Variants in LRGUK observed in about 807,000 individuals in gnomAD.
LRGUK encodes the protein leucine-rich repeat and guanylate kinase domain-containing protein.
Under a neutral mutation model 76.0 loss-of-function variants are expected in LRGUK, and 65 were observed. The observed-to-expected ratio is 0.85, with a 90% confidence interval of 0.70 to 1.05. The LOEUF (loss-of-function observed/expected upper bound fraction) is 1.05. Among genes scored for constraint, LRGUK ranks in the 50% least tolerant of loss-of-function variants. The pLI is 0.00. For synonymous variants in LRGUK, 268 were observed against 265.6 expected (o/e 1.01, Z -0.09); for missense variants, 758 against 732.8 (o/e 1.03, Z -0.40).
intron 12 of LRGUK, among the ~76,000 whole-genome samples, chr7:134,195,500 T>G (rs1273198464): frequency 6.6e-6 from 1 of 152,216 alleles, no homozygotes; most frequent in African/African-American, 2.4e-5. Flanking sequence ...AATTTTGCAA[T>G]GGAGGTTTCA....
intron 18 of LRGUK, among the ~76,000 whole-genome samples, chr7:134,252,359 A>T (rs571129662): frequency 2.7e-5 from 4 of 146,328 alleles, no homozygotes; most frequent in African/African-American, 8.3e-5. Flanking sequence ...AAATTAAATT[A>T]AATTAAATTA....
intron 16 of LRGUK, among the ~76,000 whole-genome samples, chr7:134,246,578 C>A (rs1490485448): frequency 6.6e-6 from 1 of 152,212 alleles, no homozygotes; most frequent in African/African-American, 2.4e-5. Flanking sequence ...TCTGTCCTTT[C>A]CCTTGCATGC....
At chr7:134,165,253 C>G (rs558191210) in intron 7 of LRGUK, among the ~76,000 whole-genome samples, 41 of 152,098 alleles carry the variant, frequency 2.7e-4, no homozygotes, top group Admixed American at 2.5e-3. Context: ...TTATTATAAC[C>G]CTATTATTAT....
rs558450591 is a variant in LRGUK at position 134,136,307 on chromosome 7, A to AT, written c.298-715dup. On this transcript the variant is annotated intron_variant, in intron 1 of 15. Coordinates refer to ENST00000645682, the Ensembl canonical transcript of LRGUK. ...CTATAGACCAAGGGCCAACCTCCTT[A>AT]TGGAAATGATCATCACCTTTTTAAA... Among the ~76,000 whole-genome samples, 837 of 152,296 alleles carry AT rather than the reference A, an allele frequency of 5.5e-3. 8 individuals are homozygous for AT. The highest frequency in any genetic ancestry group is 0.028 in the South Asian group (136 of 4,816).
chr7:134,170,317 C>G (rs1175510905), intron 7 of LRGUK, among the ~76,000 whole-genome samples: 1 of 151,898 alleles, frequency 6.6e-6, no homozygotes, highest in African/African-American at 2.4e-5. Context: ...TTTATGAAGT[C>G]TTTCTCTGTT....
At chr7:134,172,558 T>C (rs1365717635) in intron 7 of LRGUK, among the ~76,000 whole-genome samples, 1 of 152,176 alleles carries the variant, frequency 6.6e-6, no homozygotes, top group Non-Finnish European at 1.5e-5. Flanking sequence ...CAGATTGCCC[T>C]ATAGAAAGAA....
intron 16 of LRGUK, among the ~76,000 whole-genome samples, chr7:134,223,431 G>A (rs1801653213): frequency 6.6e-6 from 1 of 152,240 alleles, no homozygotes; most frequent in South Asian, 2.1e-4. Flanking sequence ...AGAGGCAGCA[G>A]GGGGTAGGTG....
intron 19 of LRGUK, among the ~76,000 whole-genome samples, chr7:134,262,299 G>A (rs576441600): frequency 1.4e-4 from 22 of 152,304 alleles, no homozygotes; most frequent in South Asian, 1.0e-3. Flanking sequence ...ACTTGAACCC[G>A]GTAGGCGGTG....
chr7:134,202,863 G>A (rs187156777), intron 15 of LRGUK, among the ~76,000 whole-genome samples: 6 of 152,236 alleles, frequency 3.9e-5, no homozygotes, highest in East Asian at 1.9e-4. Context: ...TGATAGTGAC[G>A]GTGGCACAGT....
chr7:134,179,635 A>ATG (rs1415867808), intron 10 of LRGUK, among the ~76,000 whole-genome samples: 1 of 152,220 alleles, frequency 6.6e-6, no homozygotes, highest in East Asian at 1.9e-4. Flanking sequence ...ATTCTAGTTT[A>ATG]TGGTATTGCT....
chr7:134,139,488 A>G, exon 3 of LRGUK: 1 of 1,609,780 alleles, frequency 6.2e-7, no homozygotes, highest in Non-Finnish European at 8.5e-7. Flanking sequence ...CATCTACAGA[A>G]GTTGGATCTT....
At chr7:134,237,284 A>C (rs1454070550) in intron 16 of LRGUK, among the ~76,000 whole-genome samples, 1 of 151,694 alleles carries the variant, frequency 6.6e-6, no homozygotes, top group Admixed American at 6.6e-5. Context: ...CAAACTCTTG[A>C]CCTTGCGACG....
chr7:134,244,509 A>G (rs1802243466), intron 16 of LRGUK, among the ~76,000 whole-genome samples: 1 of 152,222 alleles, frequency 6.6e-6, no homozygotes, highest in South Asian at 2.1e-4. Context: ...ATGAGATACC[A>G]TCTCACACCA....
intron 15 of LRGUK, among the ~76,000 whole-genome samples, chr7:134,219,959 C>T (rs1038414764): frequency 6.6e-6 from 1 of 152,160 alleles, no homozygotes; most frequent in African/African-American, 2.4e-5. Context: ...GTTTCTTCAT[C>T]ACACTTGTCG....
the LRGUK span, among the ~76,000 whole-genome samples, chr7:134,276,264 A>T: frequency 6.6e-6 from 1 of 152,144 alleles, no homozygotes; most frequent in African/African-American, 2.4e-5. Flanking sequence ...CCCCATCCCC[A>T]CCAAAGGCGT....
At chr7:134,214,831 T>A (rs1801394543), downstream of LRGUK, among the ~76,000 whole-genome samples, 1 of 150,000 alleles carries the variant, frequency 6.7e-6, no homozygotes. Context: ...AGAGCTGTCA[T>A]GAGAAAGCAA....
intron 5 of LRGUK, 141 bp from the exon 6 acceptor site, chr7:134,157,894 A>T: frequency 1.7e-6 from 1 of 576,088 alleles, no homozygotes; most frequent in Non-Finnish European, 3.0e-6. Flanking sequence ...TTTCAGGATT[A>T]ATACTCATCC....
chr7:134,234,117 T>G (rs1283353644), intron 16 of LRGUK, among the ~76,000 whole-genome samples: 1 of 152,220 alleles, frequency 6.6e-6, no homozygotes, highest in Non-Finnish European at 1.5e-5. Context: ...ATTTTCAATA[T>G]GTCTTTTGTC....
At chr7:134,190,922 T>C (rs1326218272) in intron 11 of LRGUK, among the ~76,000 whole-genome samples, 1 of 152,248 alleles carries the variant, frequency 6.6e-6, no homozygotes, top group Middle Eastern at 3.2e-3. Flanking sequence ...TAAGCAGTTC[T>C]GGGGATAGAC....
Sources: gnomAD v4.1 joint callset for allele counts (sites outside exome capture counted in the v4.1 genomes callset) on GRCh38, gnomAD v4.1.1 for gene constraint, MANE v1.5 for transcripts, NCBI Gene and HGNC (gene_info 2026-07-23, HGNC 2026-07-21) for gene names.